Variants in CDK6 observed in about 807,000 individuals in gnomAD.
The protein encoded by CDK6 is cyclin-dependent kinase 6.
Under a neutral mutation model 37.1 loss-of-function variants are expected in CDK6, and 6 were observed. The ratio of observed to expected loss-of-function variants is 0.16; its 90% CI spans 0.09 to 0.32. CDK6 has a LOEUF of 0.32. Ranked by LOEUF, CDK6 falls within the 10% of genes least tolerant of loss-of-function variation. CDK6 has a pLI of 1.00. For synonymous variants in CDK6, 160 were observed against 161.3 expected, an observed-to-expected ratio of 0.99 and a Z score of 0.06; for missense variants, 224 against 418.9, an observed-to-expected ratio of 0.53 and a Z score of 4.06.
chr7:92,746,385 T>C (rs938416529), intron 3 of CDK6, among the ~76,000 whole-genome samples: 6 of 152,282 alleles, frequency 3.9e-5, no homozygotes, highest in Admixed American at 3.9e-4. Flanking sequence ...AAATCCAAAA[T>C]GCTCCAAAAT....
At chr7:92,765,676 T>C (rs1268693769) in intron 3 of CDK6, among the ~76,000 whole-genome samples, 1 of 152,222 alleles carries the variant, frequency 6.6e-6, no homozygotes, top group Non-Finnish European at 1.5e-5. Context: ...ATCCCCTATG[T>C]TCCAGGCAGT....
intron 3 of CDK6, among the ~76,000 whole-genome samples, chr7:92,763,234 T>C (rs1350472270): frequency 6.6e-6 from 1 of 152,246 alleles, no homozygotes; most frequent in Admixed American, 6.5e-5. Context: ...TATATGAGCC[T>C]CAGAGTACTA....
At chr7:92,652,036 C>A (rs1052403959) in intron 5 of CDK6, among the ~76,000 whole-genome samples, 1 of 152,196 alleles carries the variant, frequency 6.6e-6, no homozygotes, top group Non-Finnish European at 1.5e-5. Flanking sequence ...CACTACAGCA[C>A]AAATACTTTT....
At chr7:92,710,773 G>A (rs1352466828) in intron 4 of CDK6, 2 of 985,346 alleles carry the variant, frequency 2.0e-6, no homozygotes, top group Admixed American at 6.1e-5. Context: ...ACCAGATGGA[G>A]AGGTGGGGAA....
At chr7:92,639,726 A>G (rs181130069) in intron 5 of CDK6, among the ~76,000 whole-genome samples, 2 of 152,246 alleles carry the variant, frequency 1.3e-5, no homozygotes, top group East Asian at 3.9e-4. Flanking sequence ...CCTTTACCAC[A>G]GCCTCTATTC....
At chr7:92,617,138 C>T (rs1324849850) in intron 7 of CDK6, among the ~76,000 whole-genome samples, 1 of 152,160 alleles carries the variant, frequency 6.6e-6, no homozygotes, top group African/African-American at 2.4e-5. Context: ...CCCCTCTCAC[C>T]ATAGGGGGAG....
At chr7:92,736,909 A>G (rs1651071487) in intron 3 of CDK6, among the ~76,000 whole-genome samples, 1 of 152,224 alleles carries the variant, frequency 6.6e-6, no homozygotes, top group African/African-American at 2.4e-5. Context: ...CAAATGTGAT[A>G]TATTAATATT....
intron 4 of CDK6, among the ~76,000 whole-genome samples, chr7:92,690,787 C>G (rs1351786658): frequency 1.3e-5 from 2 of 152,116 alleles, no homozygotes; most frequent in Non-Finnish European, 2.9e-5. Context: ...GCTAGTATAT[C>G]TTGCTTTAAG....
At chr7:92,723,523 C>A (rs1217748231) in intron 4 of CDK6, among the ~76,000 whole-genome samples, 1 of 152,038 alleles carries the variant, frequency 6.6e-6, no homozygotes, top group Non-Finnish European at 1.5e-5. Flanking sequence ...TTTATGTCAC[C>A]ATGTGTATAT....
At chr7:92,717,462 A>T (rs1798255801) in intron 4 of CDK6, among the ~76,000 whole-genome samples, 1 of 151,722 alleles carries the variant, frequency 6.6e-6, no homozygotes, top group African/African-American at 2.4e-5. Context: ...GGAAAGAAGA[A>T]AGAAAGAAAA....
rs1450715662 is a variant in CDK6 at position 92,611,370 on chromosome 7, C to A, written c.*3770G>T. 1.3e-5 allele frequency: 3 copies of A among 227,692 alleles called. No individual in the cohort carries two copies. The Admixed American group carries it at 1.7e-4, about 13-fold the overall frequency. 14.1% of individuals were successfully genotyped at this position (227,692 alleles called of 1,614,324 possible). A position where few individuals can be genotyped will look rare whatever the true frequency, so the allele number is the denominator to read the frequency against. On this transcript the variant is annotated 3_prime_UTR_variant, in exon 8 of 8. Transcript: ENST00000424848. Reference sequence around the variant, plus strand: ...ACTTTTAACATTATTTTTTCCTAGACTCAACTATGCAATTAAAGCCTGCTT... The same window carrying A: ...ACTTTTAACATTATTTTTTCCTAGAATCAACTATGCAATTAAAGCCTGCTT...
Position 92,774,731 on chromosome 7 carries a change from C to T in CDK6, c.334G>A (p.Val112Ile), listed in dbSNP as rs753943224. ...TCAGTGGGCACTCCAGGCTCTGGAA[C>T]TTTATCCAAGTAAGTGGTCAAGTCT... ...DQDLTTYLDK[V>I]PEPGVPTETI... Residue 112 changes from valine (V) to isoleucine (I), a missense_variant, in exon 3 of 8, where the codon GTT becomes ATT. This residue lies in a region of CDK6 where 82 missense variants were observed against 202.1 expected (regional missense o/e 0.41). Coordinates refer to ENST00000424848, the MANE Select transcript of CDK6 (RefSeq NM_001145306.2). The T allele has an allele frequency of 5.0e-6, 8 of 1,609,906 alleles. No homozygotes were observed. In the African/African-American group the frequency reaches 6.7e-5, roughly 13 times the overall value.
At chr7:92,641,824 A>AT (rs1439862643) in intron 5 of CDK6, among the ~76,000 whole-genome samples, 10 of 152,226 alleles carry the variant, frequency 6.6e-5, no homozygotes, top group Non-Finnish European at 1.5e-4. Context: ...CATTAAATGC[A>AT]TAAGTCATTG....
At chr7:92,820,159 G>A (rs963184031) in intron 2 of CDK6, among the ~76,000 whole-genome samples, 1 of 151,868 alleles carries the variant, frequency 6.6e-6, no homozygotes, top group African/African-American at 2.4e-5. Context: ...AGAAACTCCA[G>A]GAAAAACAAA....
chr7:92,613,016 C>A lies in CDK6; in HGVS notation c.*2124G>T. 4.3e-6 allele frequency: 1 copy of A among 233,112 alleles called. No individual in the cohort carries two copies. Among genetic ancestry groups the A allele is most frequent in the Non-Finnish European group, 8.5e-6 (1 of 117,980 alleles). 14.4% of individuals were successfully genotyped at this position (233,112 alleles called of 1,614,324 possible). ...TGCTGTGGATTCATTATATCTCAAGCATTTATAGTACTGACAACACCTAAT... is the reference window on the plus strand; with the variant it reads ...TGCTGTGGATTCATTATATCTCAAGAATTTATAGTACTGACAACACCTAAT... On this transcript the variant is annotated 3_prime_UTR_variant, in exon 8 of 8. Coordinates refer to ENST00000424848, the MANE Select transcript of CDK6 (RefSeq NM_001145306.2).
intron 2 of CDK6, among the ~76,000 whole-genome samples, chr7:92,812,962 A>G (rs1432388175): frequency 6.6e-6 from 1 of 152,230 alleles, no homozygotes; most frequent in Non-Finnish European, 1.5e-5. Flanking sequence ...AACAAAGGGC[A>G]TATATGTGAG....
intron 4 of CDK6, among the ~76,000 whole-genome samples, chr7:92,702,958 T>C (rs1797887418): frequency 6.6e-6 from 1 of 152,196 alleles, no homozygotes; most frequent in South Asian, 2.1e-4. Context: ...TGGATGTCAG[T>C]AGCAACATCC....
intron 4 of CDK6, among the ~76,000 whole-genome samples, chr7:92,673,950 T>C (rs1797148131): frequency 6.6e-6 from 1 of 151,950 alleles, no homozygotes; most frequent in Non-Finnish European, 1.5e-5. Flanking sequence ...GCTAATTTTT[T>C]TTGTATTTTA....
chr7:92,647,765 T>C (rs2116550765), intron 5 of CDK6, among the ~76,000 whole-genome samples: 1 of 152,328 alleles, frequency 6.6e-6, no homozygotes, highest in East Asian at 1.9e-4. Flanking sequence ...TTGATGTGTG[T>C]ATAATGAAAC....
Sources: gnomAD v4.1 joint callset for allele counts (sites outside exome capture counted in the v4.1 genomes callset) on GRCh38, gnomAD v4.1.1 for gene constraint, gnomAD v4.1.1 regional missense constraint, MANE v1.5 for transcripts, NCBI Gene and HGNC (gene_info 2026-07-23, HGNC 2026-07-21) for gene names.